Variants in ADAMTS12 observed in about 807,000 individuals in gnomAD.
ADAMTS12 encodes ADAM metallopeptidase with thrombospondin type 1 motif 12.
Under a neutral mutation model 167.8 loss-of-function variants are expected in ADAMTS12, and 118 were observed. The ratio of observed to expected loss-of-function variants is 0.70; its 90% CI spans 0.61 to 0.82. The LOEUF (loss-of-function observed/expected upper bound fraction) is 0.82, where lower values mean the gene tolerates loss of function less well. Among genes scored for constraint, ADAMTS12 ranks in the 40% least tolerant of loss-of-function variants. The pLI is 0.00. For missense variants in ADAMTS12, 1,916 were observed against 1,998.8 expected (o/e 0.96, Z 0.79); for synonymous variants, 704 against 716.9 (o/e 0.98, Z 0.29).
chr5:33,625,717 G>C (rs895243996), intron 13 of ADAMTS12, among the ~76,000 whole-genome samples: 1 of 152,172 alleles, frequency 6.6e-6, no homozygotes, highest in African/African-American at 2.4e-5. Flanking sequence ...TTGGGGGAAG[G>C]AGACACACCC....
At chr5:33,593,864 A>G (rs550210298) in intron 17 of ADAMTS12, among the ~76,000 whole-genome samples, 1 of 152,174 alleles carries the variant, frequency 6.6e-6, no homozygotes, top group Non-Finnish European at 1.5e-5. Context: ...AAGAAGTGCT[A>G]GTTTTCTCTG....
intron 22 of ADAMTS12, among the ~76,000 whole-genome samples, chr5:33,539,988 G>C (rs256646): frequency 0.46 from 70,214 of 152,120 alleles, 18,318 homozygotes; most frequent in East Asian, 0.76. Context: ...GAGGGCGAGC[G>C]GAAGCAGGGC....
intron 2 of ADAMTS12, among the ~76,000 whole-genome samples, chr5:33,803,272 A>G (rs1475735392): frequency 6.6e-6 from 1 of 152,248 alleles, no homozygotes; most frequent in Non-Finnish European, 1.5e-5. Context: ...GTGTGGTGGG[A>G]ACAAACATCT....
intron 17 of ADAMTS12, among the ~76,000 whole-genome samples, chr5:33,591,104 G>GTGTGTGTGTGTGTC (rs149905578): frequency 1.3e-5 from 2 of 148,758 alleles, no homozygotes; most frequent in Admixed American, 6.7e-5. Context: ...GTGTGTGTGT[G>GTGTGTGTGTGTGTC]TATGTGTGTG....
chr5:33,601,542 C>G (rs1033240699), intron 16 of ADAMTS12, among the ~76,000 whole-genome samples: 5 of 152,164 alleles, frequency 3.3e-5, no homozygotes, highest in Non-Finnish European at 7.3e-5. Flanking sequence ...AAAGCGAACT[C>G]AACTCATCCA....
At chr5:33,645,553 A>C (rs956860256) in intron 9 of ADAMTS12, among the ~76,000 whole-genome samples, 8 of 152,124 alleles carry the variant, frequency 5.3e-5, no homozygotes, top group Non-Finnish European at 7.4e-5. Context: ...ATATCTGTTC[A>C]TGCTTATCAC....
intron 2 of ADAMTS12, among the ~76,000 whole-genome samples, chr5:33,771,156 T>C (rs1442462323): frequency 6.6e-6 from 1 of 152,226 alleles, no homozygotes; most frequent in African/African-American, 2.4e-5. Flanking sequence ...CTATTAAATA[T>C]ATTGCATACA....
Position 33,881,146 on chromosome 5 carries a change from C to T in ADAMTS12, c.462G>A (p.Thr154=), listed in dbSNP as rs373048473. 1.7e-5 allele frequency: 28 copies of T among 1,613,838 alleles called. No individual in the cohort carries two copies. Among genetic ancestry groups the T allele is most frequent in the South Asian group, 1.4e-4 (13 of 91,046 alleles). The part of the protein sequence containing the change: ...TVLQQGTRVG[T]AALSACHGLT... ...GTCCATGGCAGGCACTGAGGGCTGC[C>T]GTCCCAACTCTGGTGCCCTGCTGTA... Residue 154 remains threonine, a synonymous_variant, in exon 2 of 24, where the codon ACG becomes ACA. Coordinates refer to ENST00000504830, the MANE Select transcript of ADAMTS12 (RefSeq NM_030955.4).
At chr5:33,883,073 G>A (rs907212957) in intron 1 of ADAMTS12, among the ~76,000 whole-genome samples, 67 of 151,996 alleles carry the variant, frequency 4.4e-4, no homozygotes, top group African/African-American at 1.6e-3. Flanking sequence ...AGTGTCCCTG[G>A]CTAAACTTCT....
In ADAMTS12 at chr5:33,627,503, GGTGGTGGTGGTA is replaced by G. The variant is rs557479977; in HGVS notation, c.2023-3164_2023-3153del. On this transcript the variant is annotated intron_variant, in intron 13 of 23. Transcript: ENST00000504830. ...GGTGATATGGGGTGATGGTGATGAT[GGTGGTGGTGGTA>G]GTGGTGGTGGTATAGTGAGTAATTA... Among the ~76,000 whole-genome samples the G allele has an allele frequency of 4.7e-3, 715 of 151,518 alleles. 15 individuals carry two copies. Among genetic ancestry groups the G allele is most frequent in the Admixed American group, 0.024 (359 of 15,212 alleles).
At chr5:33,753,842 C>T (rs934736670) in intron 2 of ADAMTS12, among the ~76,000 whole-genome samples, 4 of 152,202 alleles carry the variant, frequency 2.6e-5, no homozygotes, top group Non-Finnish European at 5.9e-5. Flanking sequence ...CCTATTCAAC[C>T]TCAATATTTC....
At chr5:33,860,125 C>G (rs1749553499) in intron 2 of ADAMTS12, among the ~76,000 whole-genome samples, 1 of 152,144 alleles carries the variant, frequency 6.6e-6, no homozygotes, top group South Asian at 2.1e-4. Context: ...ATCACAACTC[C>G]TTGCCAGCAA....
At position 33,641,291 on chromosome 5, in the gene ADAMTS12, C is replaced by T. The variant is rs141116542; in HGVS notation, c.1718+519G>A. Among the ~76,000 whole-genome samples, 7 of 152,250 alleles carry T rather than the reference C, an allele frequency of 4.6e-5. No individual in the cohort carries two copies. In the East Asian group the frequency reaches 1.4e-3, roughly 29 times the overall value. On this transcript the variant is annotated intron_variant, in intron 11 of 23. Transcript: ENST00000504830. ...GAATCCTTAACAGGCCACTGCGGAA[C>T]TTTAGGGTTTATAAAAATCCTTATC...
intron 7 of ADAMTS12, among the ~76,000 whole-genome samples, chr5:33,657,333 G>A (rs1473481660): frequency 6.6e-6 from 1 of 152,122 alleles, no homozygotes; most frequent in Non-Finnish European, 1.5e-5. Flanking sequence ...CTTCTTCAAA[G>A]GGAGGAGATC....
At chr5:33,736,057 GTT>G (rs201311408) in intron 3 of ADAMTS12, among the ~76,000 whole-genome samples, 4 of 142,282 alleles carry the variant, frequency 2.8e-5, no homozygotes, top group Admixed American at 2.1e-4. Flanking sequence ...TTTTTTTGCT[GTT>G]TTTTTTTTTT....
chr5:33,775,978 AG>A (rs1182361698), intron 2 of ADAMTS12, among the ~76,000 whole-genome samples: 1 of 152,224 alleles, frequency 6.6e-6, no homozygotes, highest in Non-Finnish European at 1.5e-5. Flanking sequence ...CAAGAGACGA[AG>A]AAAGTAATTA....
At chr5:33,589,881 T>C (rs773193472) in intron 17 of ADAMTS12, among the ~76,000 whole-genome samples, 5 of 152,344 alleles carry the variant, frequency 3.3e-5, no homozygotes, top group African/African-American at 1.2e-4. Context: ...TTAGATTTAT[T>C]TATGTAGAAT....
chr5:33,560,422 G>A (rs531447609), intron 20 of ADAMTS12, among the ~76,000 whole-genome samples: 4 of 152,242 alleles, frequency 2.6e-5, no homozygotes, highest in African/African-American at 9.6e-5. Flanking sequence ...CCATTACTGG[G>A]CATATACCCA....
At chr5:33,887,908 C>T (rs1240553229) in intron 1 of ADAMTS12, 3 of 152,106 alleles carry the variant, frequency 2.0e-5, no homozygotes, top group Non-Finnish European at 4.4e-5. Flanking sequence ...CCACGCCCGG[C>T]TGATTTTTGT....
Sources: gnomAD v4.1 joint callset for allele counts (sites outside exome capture counted in the v4.1 genomes callset) on GRCh38, gnomAD v4.1.1 for gene constraint, MANE v1.5 for transcripts, NCBI Gene and HGNC (gene_info 2026-07-23, HGNC 2026-07-21) for gene names.